Variants in WWOX observed in about 807,000 individuals in gnomAD.
The protein encoded by WWOX is WW domain containing oxidoreductase.
A neutral mutation model predicts 46.2 loss-of-function variants in WWOX; 69 were observed. The observed-to-expected ratio is 1.49, with a 90% CI of 1.23 to 1.82. WWOX has a LOEUF of 1.82. Ranked by LOEUF, WWOX falls within the 40% of genes most tolerant of loss-of-function variation. The pLI is 0.00. For missense variants in WWOX, 919 were observed against 542.6 expected (o/e 1.69, Z -6.89); for synonymous variants, 359 against 202.6 (o/e 1.77, Z -6.56).
chr16:78,321,435 A>AT (rs1567499530), intron 5 of WWOX, among the ~76,000 whole-genome samples: 2,792 of 114,350 alleles, frequency 0.024, 213 homozygotes, highest in African/African-American at 0.064. Flanking sequence ...TATATATATA[A>AT]AAATATATTT....
intron 5 of WWOX, among the ~76,000 whole-genome samples, chr16:78,198,993 A>C (rs1158137772): frequency 6.6e-6 from 1 of 151,910 alleles, no homozygotes; most frequent in Non-Finnish European, 1.5e-5. Flanking sequence ...TCTGCTACTT[A>C]TACTTCTGCC....
At chr16:78,381,221 A>G (rs1254727469) in intron 5 of WWOX, among the ~76,000 whole-genome samples, 4 of 152,234 alleles carry the variant, frequency 2.6e-5, no homozygotes, top group Non-Finnish European at 2.9e-5. Flanking sequence ...CATATGGCTA[A>G]TTTATAGTCA....
At chr16:79,173,831 C>T (rs1422113476) in intron 8 of WWOX, among the ~76,000 whole-genome samples, 1 of 143,088 alleles carries the variant, frequency 7.0e-6, no homozygotes, top group Non-Finnish European at 1.5e-5. Context: ...GAGAGATACT[C>T]TCTGACTAGA....
chr16:78,374,795 C>G (rs1346829731), intron 5 of WWOX, among the ~76,000 whole-genome samples: 1 of 152,028 alleles, frequency 6.6e-6, no homozygotes, highest in Non-Finnish European at 1.5e-5. Context: ...TGTGGTCCGT[C>G]TGCCTCGGCC....
intron 8 of WWOX, among the ~76,000 whole-genome samples, chr16:79,076,552 C>A (rs140877341): frequency 6.6e-6 from 1 of 152,226 alleles, no homozygotes; most frequent in Middle Eastern, 3.2e-3. Context: ...AGCTAACTCT[C>A]CGATGAGCTC....
chr16:79,206,109 C>G (rs977520419), intron 8 of WWOX: 10 of 152,214 alleles, frequency 6.6e-5, no homozygotes, highest in African/African-American at 1.9e-4. Flanking sequence ...TTCAATTTAG[C>G]TCCATGAGTA....
intron 8 of WWOX, among the ~76,000 whole-genome samples, chr16:78,606,479 G>T (rs934412614): frequency 4.6e-5 from 7 of 152,170 alleles, no homozygotes; most frequent in African/African-American, 1.7e-4. Flanking sequence ...GGTGCTTGAT[G>T]CCCTGCTCCT....
At chr16:79,170,414 T>C (rs1447140292) in intron 8 of WWOX, among the ~76,000 whole-genome samples, 1 of 152,198 alleles carries the variant, frequency 6.6e-6, no homozygotes, top group African/African-American at 2.4e-5. Flanking sequence ...CCTAATACAT[T>C]TTCTTATAGG....
chr16:78,732,932 G>T (rs1016140785), intron 8 of WWOX, among the ~76,000 whole-genome samples: 37 of 152,274 alleles, frequency 2.4e-4, no homozygotes, highest in African/African-American at 8.9e-4. Flanking sequence ...CATTTATTCT[G>T]TTGTCACAGC....
intron 8 of WWOX, among the ~76,000 whole-genome samples, chr16:79,075,549 CTCT>C (rs1250113655): frequency 1.5e-3 from 9 of 6,094 alleles, no homozygotes; most frequent in African/African-American, 7.2e-3. Flanking sequence ...TTCTCTCTCT[CTCT>C]TTTTTTTTTT....
rs944016483 is a variant in WWOX, at chr16:78,770,207, C to T, written c.1056+337455C>T. On this transcript the variant is annotated intron_variant, in intron 8 of 8. Coordinates refer to ENST00000566780, the MANE Select transcript of WWOX (RefSeq NM_016373.4). The stretch of plus-strand genomic sequence containing the variant: ...CTCTACTAAAAATACAAAAGTGAGT[C>T]GGGGTTGGTGGTGTGCTCCTGTAGT... 3.9e-5 allele frequency among the ~76,000 whole-genome samples: 6 copies of T among 151,984 alleles called. No individual in the cohort carries two copies. In the East Asian group the frequency reaches 7.8e-4, roughly 20 times the overall value.
At chr16:78,593,349 G>T (rs2045396408) in intron 8 of WWOX, among the ~76,000 whole-genome samples, 1 of 152,082 alleles carries the variant, frequency 6.6e-6, no homozygotes, top group Non-Finnish European at 1.5e-5. Flanking sequence ...CCTTGATACT[G>T]ATATTTTATT....
chr16:78,207,171 A>C (rs1187302709), intron 5 of WWOX, among the ~76,000 whole-genome samples: 1 of 152,164 alleles, frequency 6.6e-6, no homozygotes, highest in Non-Finnish European at 1.5e-5. Context: ...ACTTTCTAAA[A>C]ATATGATGGT....
chr16:78,575,544 G>C (rs1313023514), intron 8 of WWOX, among the ~76,000 whole-genome samples: 1 of 152,044 alleles, frequency 6.6e-6, no homozygotes, highest in Non-Finnish European at 1.5e-5. Context: ...TGTGACTTCA[G>C]CTTTGTTTTG....
intron 8 of WWOX, among the ~76,000 whole-genome samples, chr16:78,836,881 G>A (rs2052000295): frequency 6.6e-6 from 1 of 152,150 alleles, no homozygotes; most frequent in Admixed American, 6.5e-5. Flanking sequence ...CAGTAGATGG[G>A]CTTTTGCGAA....
chr16:78,725,965 C>T (rs2048820788), intron 8 of WWOX, among the ~76,000 whole-genome samples: 1 of 148,232 alleles, frequency 6.7e-6, no homozygotes, highest in Admixed American at 6.8e-5. Flanking sequence ...CCTTTCTTTT[C>T]TTCTCCTCCT....
Position 78,331,105 on chromosome 16 carries a change from G to GT in WWOX, c.517-55748dup, listed in dbSNP as rs201949695. On this transcript the variant is annotated intron_variant, in intron 5 of 8. Transcript: ENST00000566780. Reference sequence around the variant, plus strand: ...AAAATATAGATTTTTTTCAAAGTCTGTTTTTTTAACACCTACGGTCCCTGA... The same window carrying GT: ...AAAATATAGATTTTTTTCAAAGTCTGTTTTTTTTAACACCTACGGTCCCTGA... Among the ~76,000 whole-genome samples, 1,079 of 152,066 alleles carry GT rather than the reference G, an allele frequency of 7.1e-3. 10 individuals are homozygous for GT. Among genetic ancestry groups the GT allele is most frequent in the Non-Finnish European group, 0.01 (687 of 67,944 alleles).
At chr16:78,112,135 T>G (rs1476072616) in intron 3 of WWOX, 2 of 152,368 alleles carry the variant, frequency 1.3e-5, no homozygotes, top group East Asian at 3.9e-4. Flanking sequence ...GAACACCCGC[T>G]AAGCCCAGTA....
At chr16:78,230,973 A>G (rs1448414381) in intron 5 of WWOX, among the ~76,000 whole-genome samples, 1 of 152,240 alleles carries the variant, frequency 6.6e-6, no homozygotes, top group Non-Finnish European at 1.5e-5. Flanking sequence ...AGGTATCTTT[A>G]TCCCTTATTT....
Sources: gnomAD v4.1 joint callset for allele counts (sites outside exome capture counted in the v4.1 genomes callset) on GRCh38, gnomAD v4.1.1 for gene constraint, MANE v1.5 for transcripts, NCBI Gene and HGNC (gene_info 2026-07-23, HGNC 2026-07-21) for gene names.